Variants in KLF8 observed in about 807,000 individuals in gnomAD.
KLF8 encodes the protein KLF transcription factor 8.
In KLF8, 10 loss-of-function variants were observed where a neutral mutation model predicts 18.2. The ratio of observed to expected loss-of-function variants is 0.55; its 90% CI spans 0.34 to 0.93. KLF8 has a LOEUF of 0.93. Ranked by LOEUF, KLF8 falls within the 40% of genes least tolerant of loss-of-function variation. The probability of loss-of-function intolerance (pLI) is 0.02; values close to 1 mark genes in which losing one functional copy is unlikely to be tolerated. For synonymous variants in KLF8, 109 were observed against 97.3 expected, an observed-to-expected ratio of 1.12 and a Z score of -0.71; for missense variants, 264 against 277.9, an observed-to-expected ratio of 0.95 and a Z score of 0.36.
At chrX:56,129,668 C>T in the KLF8 span, among the ~76,000 whole-genome samples, 85 of 111,314 alleles carry the variant, frequency 7.6e-4, 1 homozygote, top group African/African-American at 2.4e-3. Context: ...TGAAGTCTCC[C>T]GGCCAAAACT....
At chrX:56,137,921 C>T in the KLF8 span, among the ~76,000 whole-genome samples, 1 of 107,578 alleles carries the variant, frequency 9.3e-6, no homozygotes, top group Non-Finnish European at 1.9e-5. Context: ...TAAAATTTAG[C>T]TCTTTGAAGG....
chrX:56,155,604 TAAAAA>T, the KLF8 span, among the ~76,000 whole-genome samples: 1 of 111,688 alleles, frequency 9.0e-6, no homozygotes, highest in African/African-American at 3.3e-5. Context: ...TAAAGTATAA[TAAAAA>T]TAAAATTAAA....
chrX:56,083,051 G>C, the KLF8 span, among the ~76,000 whole-genome samples: 1 of 111,271 alleles, frequency 9.0e-6, no homozygotes, highest in Non-Finnish European at 1.9e-5. Flanking sequence ...TAAGTTTCTT[G>C]GATTTGTATA....
At chrX:55,908,759 G>A in the KLF8 span, 2 of 284,310 alleles carry the variant, frequency 7.0e-6, no homozygotes, top group Non-Finnish European at 6.2e-6. Flanking sequence ...CAGGCCCCGG[G>A]GCTGGGAGGA....
chrX:56,120,114 A>G, the KLF8 span, among the ~76,000 whole-genome samples: 2 of 111,000 alleles, frequency 1.8e-5, no homozygotes, highest in African/African-American at 6.6e-5. Context: ...ATAGAGCTCC[A>G]AAACTAGTCT....
the KLF8 span, among the ~76,000 whole-genome samples, chrX:56,179,976 G>C: frequency 9.0e-6 from 1 of 111,063 alleles, no homozygotes; most frequent in Admixed American, 9.6e-5. Context: ...TCTCTGCCAG[G>C]CTTTGGTATC....
chrX:56,229,387 A>C (rs1051722389), upstream of KLF8, among the ~76,000 whole-genome samples: 2 of 112,087 alleles, frequency 1.8e-5, no homozygotes, highest in Non-Finnish European at 3.8e-5. Context: ...TCCCTCACGC[A>C]TAAGGTGGGA....
the KLF8 span, among the ~76,000 whole-genome samples, chrX:56,057,002 G>T: frequency 4.6e-5 from 5 of 109,390 alleles, no homozygotes; most frequent in Non-Finnish European, 5.7e-5. Flanking sequence ...GTCTGGCAGG[G>T]TGCACACTTG....
intron 5 of KLF8, among the ~76,000 whole-genome samples, chrX:56,271,974 A>G (rs1424535573): frequency 9.0e-6 from 1 of 111,690 alleles, no homozygotes; most frequent in Non-Finnish European, 1.9e-5. Context: ...TGTCTTTCCT[A>G]TGTCACCTCT....
chrX:56,150,251 C>T, the KLF8 span, among the ~76,000 whole-genome samples: 1 of 111,676 alleles, frequency 9.0e-6, no homozygotes, highest in African/African-American at 3.2e-5. Context: ...TTCCTTAACA[C>T]CTTCACCTCA....
At chrX:56,208,468 G>T in the KLF8 span, among the ~76,000 whole-genome samples, 2 of 110,873 alleles carry the variant, frequency 1.8e-5, no homozygotes, top group Non-Finnish European at 3.8e-5. Context: ...ATTTTAATTT[G>T]ATTTATTTCT....
At chrX:56,129,563 C>G in the KLF8 span, among the ~76,000 whole-genome samples, 1 of 111,399 alleles carries the variant, frequency 9.0e-6, no homozygotes, top group East Asian at 2.8e-4. Flanking sequence ...ACTTGTCTCA[C>G]AGGAGTCCTG....
intron 2 of KLF8, among the ~76,000 whole-genome samples, chrX:56,255,131 C>T (rs1395961724): frequency 2.7e-5 from 3 of 112,274 alleles, no homozygotes; most frequent in Non-Finnish European, 5.6e-5. Context: ...TAGACATCTC[C>T]CACTTCTTTG....
the KLF8 span, among the ~76,000 whole-genome samples, chrX:56,023,439 G>T: frequency 3.6e-5 from 4 of 111,757 alleles, no homozygotes; most frequent in African/African-American, 1.3e-4. Flanking sequence ...ACACAAACAG[G>T]ATGAAAAAGC....
the KLF8 span, among the ~76,000 whole-genome samples, chrX:56,155,725 C>T: frequency 2.7e-5 from 3 of 111,485 alleles, no homozygotes; most frequent in Non-Finnish European, 5.6e-5. Context: ...TAGAATATTT[C>T]ATGATGCTGA....
the KLF8 span, among the ~76,000 whole-genome samples, chrX:56,049,710 A>G: frequency 9.3e-6 from 1 of 107,995 alleles, no homozygotes; most frequent in Non-Finnish European, 1.9e-5. Flanking sequence ...TTCATCAAGG[A>G]TATTGGTCTA....
the KLF8 span, among the ~76,000 whole-genome samples, chrX:56,038,138 A>G: frequency 8.9e-6 from 1 of 112,327 alleles, no homozygotes; most frequent in Non-Finnish European, 1.9e-5. Flanking sequence ...AGTTCTAACC[A>G]TGTTGCAAAT....
At chrX:56,243,073 C>A in intron 1 of KLF8, 2 of 522,980 alleles carry the variant, frequency 3.8e-6, no homozygotes, top group Non-Finnish European at 7.0e-6. Flanking sequence ...TCTTCACAGC[C>A]TGTTTGATCT....
intron 1 of KLF8, among the ~76,000 whole-genome samples, chrX:56,249,547 G>T (rs2066674415): frequency 9.4e-6 from 1 of 106,776 alleles, no homozygotes; most frequent in Admixed American, 1.0e-4. Context: ...TTCTGCAGAG[G>T]ATAGTCTGAA....
Sources: gnomAD v4.1 joint callset for allele counts (sites outside exome capture counted in the v4.1 genomes callset) on GRCh38, gnomAD v4.1.1 for gene constraint, MANE v1.5 for transcripts, NCBI Gene and HGNC (gene_info 2026-07-23, HGNC 2026-07-21) for gene names.